The following PCBP3 variants were observed in gnomAD, a reference collection of about 807,000 sequenced individuals.
PCBP3 encodes the protein poly(rC) binding protein 3, also known as poly(rC)-binding protein 3.
A neutral mutation model predicts 52.7 loss-of-function variants in PCBP3; 25 were observed. The ratio of observed to expected loss-of-function variants is 0.47; its 90% confidence interval spans 0.35 to 0.66. The LOEUF (loss-of-function observed/expected upper bound fraction) is 0.66. Ranked by LOEUF, PCBP3 falls within the 30% of genes least tolerant of loss-of-function variation. The pLI is 0.01. For missense variants in PCBP3, 391 were observed against 490.3 expected, an observed-to-expected ratio of 0.80 and a Z score of 1.91; for synonymous variants, 162 against 183.0, an observed-to-expected ratio of 0.89 and a Z score of 0.93.
chr21:45,760,521 G>A (rs1353235506), intron 4 of PCBP3: 1 of 152,244 alleles, frequency 6.6e-6, no homozygotes, highest in African/African-American at 2.4e-5. Flanking sequence ...TTGACTCCAA[G>A]GTCATGTCAG....
rs1346487812 is a variant in PCBP3, at chr21:45,645,225, A to G, written c.-279+1357A>G. ...GCAGTGACCGACTAACTGATGTCTC[A>G]CTTTCGAGCAGTATTTTTTTTTTTT... On this transcript the variant is annotated intron_variant, in intron 1 of 17. Transcript: ENST00000681687. 3.2e-5 allele frequency among the ~76,000 whole-genome samples: 3 copies of G among 93,950 alleles called. No homozygotes were observed. In the East Asian group the frequency reaches 9.8e-4, roughly 31 times the overall value. 61.6% of individuals were successfully genotyped at this position (93,950 alleles called of 152,430 possible).
At chr21:45,806,893 C>G (rs1326168141) in intron 4 of PCBP3, among the ~76,000 whole-genome samples, 7 of 152,178 alleles carry the variant, frequency 4.6e-5, no homozygotes, top group Non-Finnish European at 1.0e-4. Flanking sequence ...ATGCTCCGAG[C>G]TCCTTGTCAT....
chr21:45,705,826 G>A (rs1374526207), intron 2 of PCBP3, among the ~76,000 whole-genome samples: 3 of 151,978 alleles, frequency 2.0e-5, no homozygotes, highest in African/African-American at 7.3e-5. Flanking sequence ...ATGGCTTACT[G>A]ACCCCTGCTG....
At chr21:45,746,101 CTGTGT>C in intron 3 of PCBP3, among the ~76,000 whole-genome samples, 1 of 138,140 alleles carries the variant, frequency 7.2e-6, no homozygotes, top group South Asian at 2.3e-4. Context: ...GTCAGCATCG[CTGTGT>C]CAGTCCACTG....
chr21:45,910,465 C>G (rs973178729), intron 10 of PCBP3, among the ~76,000 whole-genome samples: 3 of 152,066 alleles, frequency 2.0e-5, no homozygotes, highest in African/African-American at 7.2e-5. Flanking sequence ...TTCACATCCA[C>G]ACGTTTGTCC....
At chr21:45,773,289 A>G (rs774453750) in intron 4 of PCBP3, among the ~76,000 whole-genome samples, 1 of 152,142 alleles carries the variant, frequency 6.6e-6, no homozygotes, top group South Asian at 2.1e-4. Flanking sequence ...CATTTTAAGT[A>G]TTTAATCCAT....
At chr21:45,868,354 G>A (rs2094838458) in intron 5 of PCBP3, among the ~76,000 whole-genome samples, 1 of 151,906 alleles carries the variant, frequency 6.6e-6, no homozygotes, top group South Asian at 2.1e-4. Flanking sequence ...ATCCTGCTCT[G>A]CGCCGCCGAA....
At chr21:45,840,422 A>T (rs1360916209) in intron 4 of PCBP3, among the ~76,000 whole-genome samples, 1 of 149,170 alleles carries the variant, frequency 6.7e-6, no homozygotes, top group Non-Finnish European at 1.5e-5. Flanking sequence ...GCGCCACTGC[A>T]CTCCAGCCTG....
At chr21:45,911,374 G>A (rs529768450) in intron 11 of PCBP3, 122 of 250,050 alleles carry the variant, frequency 4.9e-4, no homozygotes, top group African/African-American at 1.9e-3. Flanking sequence ...TGCTCTTTAC[G>A]TTGGAGTCAG....
chr21:45,674,916 A>G (rs2081374169), intron 2 of PCBP3, among the ~76,000 whole-genome samples: 1 of 152,090 alleles, frequency 6.6e-6, no homozygotes, highest in African/African-American at 2.4e-5. Context: ...GGATATCCAC[A>G]GGGGCCTCTT....
chr21:45,646,002 G>C (rs1036233585), intron 1 of PCBP3, among the ~76,000 whole-genome samples: 5 of 151,856 alleles, frequency 3.3e-5, no homozygotes, highest in African/African-American at 1.2e-4. Context: ...GTGACTCAGA[G>C]GCAAGGCGTC....
chr21:45,661,543 A>C (rs1603177512), intron 1 of PCBP3, among the ~76,000 whole-genome samples: 2 of 152,116 alleles, frequency 1.3e-5, no homozygotes, highest in Non-Finnish European at 2.9e-5. Flanking sequence ...CATTTTCTTT[A>C]TCCAGTCAGC....
rs537721272 is a variant in PCBP3, at chr21:45,827,356, A to G, written c.-125-22605A>G. ...GGACATGATCATCACGTCACATCAC[A>G]TGGCCAGGTTTCAACTGCAGGTCCT... On this transcript the variant is annotated intron_variant, in intron 4 of 17. Coordinates refer to ENST00000681687, the MANE Select transcript of PCBP3 (RefSeq NM_001384156.1). This position sits in a 1 kb window ranked among gnomAD's most constrained non-coding sequence, Gnocchi z 4.3. 3.3e-5 allele frequency among the ~76,000 whole-genome samples: 5 copies of G among 152,296 alleles called. No individual in the cohort carries two copies. The highest frequency in any genetic ancestry group is 2.6e-4 in the Admixed American group (4 of 15,294).
At chr21:45,925,429 G>C (rs188132190) in intron 13 of PCBP3, among the ~76,000 whole-genome samples, 2 of 152,328 alleles carry the variant, frequency 1.3e-5, no homozygotes, top group East Asian at 1.9e-4. Context: ...AGGACAATTA[G>C]AAAACAAGTG....
chr21:45,868,311 TCC>T (rs2094835595), intron 5 of PCBP3, among the ~76,000 whole-genome samples: 5 of 152,026 alleles, frequency 3.3e-5, no homozygotes, highest in African/African-American at 9.7e-5. Flanking sequence ...AGCCCCAGGG[TCC>T]TGCCTGCCCG....
At chr21:45,751,337 A>C (rs1363670479) in intron 3 of PCBP3, 1 of 152,098 alleles carries the variant, frequency 6.6e-6, no homozygotes, top group Non-Finnish European at 1.5e-5. Flanking sequence ...TTTATTGTAA[A>C]CATATATAAC....
At chr21:45,864,078 G>A (rs756720266) in intron 5 of PCBP3, among the ~76,000 whole-genome samples, 2 of 152,130 alleles carry the variant, frequency 1.3e-5, no homozygotes, top group Non-Finnish European at 2.9e-5. Context: ...AAACATAAAC[G>A]TGGCTTTACG....
intron 9 of PCBP3, among the ~76,000 whole-genome samples, chr21:45,901,912 G>A (rs1359884375): frequency 2.0e-5 from 3 of 152,206 alleles, no homozygotes; most frequent in Non-Finnish European, 4.4e-5. Context: ...TAAGTAATGA[G>A]GTGCACTTTG....
intron 4 of PCBP3, among the ~76,000 whole-genome samples, chr21:45,764,119 C>CTTTTTTTTTT (rs71185167): frequency 1.7e-5 from 2 of 119,786 alleles, no homozygotes; most frequent in Non-Finnish European, 3.6e-5. Flanking sequence ...TTTTTTTTTT[C>CTTTTTTTTTT]TTTTTTTTTT....
Sources: allele counts gnomAD v4.1 joint callset (sites outside exome capture counted in the v4.1 genomes callset), GRCh38; gene constraint gnomAD v4.1.1; non-coding constraint Gnocchi (gnomAD v3.1); transcripts MANE v1.5; gene names NCBI Gene and HGNC (gene_info 2026-07-23, HGNC 2026-07-21).